COL25A1: variants seen among roughly 807,000 people sequenced by gnomAD.
The protein encoded by COL25A1 is collagen alpha-1(XXV) chain.
Under a neutral mutation model 128.4 loss-of-function variants are expected in COL25A1, and 103 were observed. That is an observed-to-expected ratio of 0.80 (90% CI 0.68 to 0.94). COL25A1 has a LOEUF of 0.94. Ranked by LOEUF, COL25A1 falls within the 40% of genes least tolerant of loss-of-function variation. The pLI is 0.00. For missense variants in COL25A1, 745 were observed against 840.0 expected, an observed-to-expected ratio of 0.89 and a Z score of 1.40; for synonymous variants, 279 against 277.2, an observed-to-expected ratio of 1.01 and a Z score of -0.06.
chr4:108,974,440 A>G lies in COL25A1; in HGVS notation c.466-47T>C, dbSNP rs759155279. 8.7e-6 allele frequency: 14 copies of G among 1,610,712 alleles called. 1 individual carries two copies. Among genetic ancestry groups the G allele is most frequent in the Middle Eastern group, 1.6e-4 (1 of 6,078 alleles). On this transcript the variant is annotated intron_variant, in intron 7 of 37. Coordinates refer to ENST00000399132, the MANE Select transcript of COL25A1 (RefSeq NM_198721.4). ...TAACAGTTTTAGCCAAAATTTATAC[A>G]TGATGTTCATTAAAAAGATCAAAAT...
At chr4:108,867,046 G>A (rs1203643840) in intron 20 of COL25A1, among the ~76,000 whole-genome samples, 1 of 152,140 alleles carries the variant, frequency 6.6e-6, no homozygotes, top group Admixed American at 6.5e-5. Context: ...ATCATGCTGG[G>A]TTCTTCATAA....
intron 3 of COL25A1, among the ~76,000 whole-genome samples, chr4:109,251,450 G>T (rs1304503495): frequency 6.6e-6 from 1 of 152,172 alleles, no homozygotes; most frequent in Non-Finnish European, 1.5e-5. Context: ...GGTAGACTAA[G>T]AGACACGCTA....
intron 3 of COL25A1, among the ~76,000 whole-genome samples, chr4:109,165,413 A>G (rs1289242466): frequency 6.6e-6 from 1 of 152,200 alleles, no homozygotes; most frequent in East Asian, 1.9e-4. Context: ...GACACTGTCC[A>G]TTGTTTAAAA....
intron 25 of COL25A1, 73 bp from the exon 26 acceptor site, chr4:108,852,353 A>G (rs1323983223): frequency 9.6e-7 from 1 of 1,045,314 alleles, no homozygotes; most frequent in East Asian, 2.7e-5. Context: ...AAATAGGCAC[A>G]CTATACACCT....
At chr4:109,120,871 A>G (rs1412767145) in intron 3 of COL25A1, among the ~76,000 whole-genome samples, 1 of 151,956 alleles carries the variant, frequency 6.6e-6, no homozygotes, top group African/African-American at 2.4e-5. Context: ...AAAACAATAA[A>G]ATACTTAGAT....
chr4:109,247,458 T>C (rs938242954), intron 3 of COL25A1, among the ~76,000 whole-genome samples: 1 of 152,224 alleles, frequency 6.6e-6, no homozygotes, highest in Non-Finnish European at 1.5e-5. Flanking sequence ...AATGCTTTTA[T>C]GTAGCAAAAC....
chr4:108,950,322 A>T (rs1749260911), intron 8 of COL25A1, among the ~76,000 whole-genome samples: 1 of 152,184 alleles, frequency 6.6e-6, no homozygotes, highest in Non-Finnish European at 1.5e-5. Context: ...CTTCCAGGAA[A>T]GCAACACCAC....
At chr4:108,970,218 A>G (rs774759468) in intron 8 of COL25A1, among the ~76,000 whole-genome samples, 1 of 152,162 alleles carries the variant, frequency 6.6e-6, no homozygotes, top group South Asian at 2.1e-4. Flanking sequence ...ATATTTTTAT[A>G]AAGAACATTT....
At chr4:108,924,459 C>T (rs1300151645) in intron 11 of COL25A1, among the ~76,000 whole-genome samples, 1 of 151,942 alleles carries the variant, frequency 6.6e-6, no homozygotes, top group Non-Finnish European at 1.5e-5. Context: ...CATCATAGAC[C>T]CCATGTTGGT....
intron 11 of COL25A1, among the ~76,000 whole-genome samples, chr4:108,926,470 C>T (rs954946555): frequency 3.3e-5 from 5 of 152,022 alleles, no homozygotes; most frequent in African/African-American, 9.7e-5. Flanking sequence ...AATTTTTCCA[C>T]GATTTAATAA....
chr4:109,231,302 T>C (rs1425545586), intron 3 of COL25A1, among the ~76,000 whole-genome samples: 1 of 152,024 alleles, frequency 6.6e-6, no homozygotes, highest in Non-Finnish European at 1.5e-5. Flanking sequence ...ATACTCATAG[T>C]CAAGCTTCAT....
intron 6 of COL25A1, among the ~76,000 whole-genome samples, chr4:108,996,064 C>T (rs112242005): frequency 7.2e-5 from 11 of 152,048 alleles, no homozygotes; most frequent in Admixed American, 2.0e-4. Flanking sequence ...CATCAACTAA[C>T]GGGCAAAATA....
chr4:108,938,179 G>C (rs1460479664), intron 10 of COL25A1, among the ~76,000 whole-genome samples: 1 of 152,172 alleles, frequency 6.6e-6, no homozygotes, highest in Non-Finnish European at 1.5e-5. Flanking sequence ...AGCAGAGACT[G>C]ATGTTAAATT....
intron 3 of COL25A1, among the ~76,000 whole-genome samples, chr4:109,231,946 T>G (rs1779189989): frequency 6.6e-6 from 1 of 152,160 alleles, no homozygotes; most frequent in Non-Finnish European, 1.5e-5. Flanking sequence ...ACATAGAACT[T>G]AGTTATATAC....
intron 3 of COL25A1, among the ~76,000 whole-genome samples, chr4:109,114,674 C>T (rs118067431): frequency 8.5e-5 from 13 of 152,136 alleles, no homozygotes; most frequent in East Asian, 3.9e-4. Context: ...ACGTGACATA[C>T]GGGAATTTCA....
chr4:109,200,497 G>T (rs561826648), intron 3 of COL25A1, among the ~76,000 whole-genome samples: 2 of 151,810 alleles, frequency 1.3e-5, no homozygotes, highest in Admixed American at 1.3e-4. Flanking sequence ...TCTCTCGGTC[G>T]CCCAGGCTGG....
intron 3 of COL25A1, among the ~76,000 whole-genome samples, chr4:109,065,960 C>A (rs1309736449): frequency 6.6e-6 from 1 of 152,166 alleles, no homozygotes; most frequent in African/African-American, 2.4e-5. Context: ...CACATGCTAT[C>A]GGTCATTTAA....
At chr4:108,832,998 A>AATAAATAAATAAATAAATAG (rs1733349621) in intron 31 of COL25A1, among the ~76,000 whole-genome samples, 2 of 34,750 alleles carry the variant, frequency 5.8e-5, no homozygotes, top group African/African-American at 1.5e-4. Context: ...TAAATAAATA[A>AATAAATAAATAAATAAATAG]ATAAAGCATC....
chr4:108,834,490 A>C, intron 31 of COL25A1: 2 of 1,014,798 alleles, frequency 2.0e-6, no homozygotes, highest in South Asian at 1.4e-5. Flanking sequence ...CACTTCAAAC[A>C]ACATAATACG....
Sources: allele counts gnomAD v4.1 joint callset (sites outside exome capture counted in the v4.1 genomes callset), GRCh38; gene constraint gnomAD v4.1.1; transcripts MANE v1.5; gene names NCBI Gene and HGNC (gene_info 2026-07-23, HGNC 2026-07-21).